GNAQ: variants seen among roughly 807,000 people sequenced by gnomAD.
The protein encoded by GNAQ is G protein subunit alpha q, also known as guanine nucleotide-binding protein G(q) subunit alpha.
Under a neutral mutation model 43.9 loss-of-function variants are expected in GNAQ, and 8 were observed. The ratio of observed to expected loss-of-function variants is 0.18; its 90% CI spans 0.11 to 0.33. GNAQ has a LOEUF of 0.33. Ranked by LOEUF, GNAQ falls within the 10% of genes least tolerant of loss-of-function variation. The pLI is 1.00. For synonymous variants in GNAQ, 155 were observed against 170.7 expected, an observed-to-expected ratio of 0.91 and a Z score of 0.71; for missense variants, 158 against 450.8, an observed-to-expected ratio of 0.35 and a Z score of 5.88.
intron 1 of GNAQ, chr9:78,030,461 C>T (rs1824036965): frequency 4.3e-6 from 2 of 465,724 alleles, no homozygotes; most frequent in African/African-American, 2.0e-5. Flanking sequence ...CCTCCCGCCT[C>T]GCCCCCAGTA....
chr9:77,983,812 T>C (rs1050381488), intron 1 of GNAQ, among the ~76,000 whole-genome samples: 12 of 152,016 alleles, frequency 7.9e-5, no homozygotes, highest in African/African-American at 2.9e-4. Flanking sequence ...TTCCACTCTT[T>C]TAGTGGGGAG....
chr9:77,718,091 G>A lies in GNAQ; in HGVS notation c.*3232C>T, dbSNP rs527366858. The A allele has an allele frequency of 8.6e-6, 2 of 232,820 alleles. No individual in the cohort carries two copies. The highest frequency in any genetic ancestry group is 6.0e-5 in the East Asian group (1 of 16,544). 14.4% of individuals were successfully genotyped at this position (232,820 alleles called of 1,614,324 possible). A position where few individuals can be genotyped will look rare whatever the true frequency, so the allele number is the denominator to read the frequency against. On this transcript the variant is annotated 3_prime_UTR_variant, in exon 7 of 7. Coordinates refer to ENST00000286548, the MANE Select transcript of GNAQ (RefSeq NM_002072.5). ...ACTGGTACACTGCAATGTGTTAAGTGAGTCATGAAATGGCTGCTTGCCTTG... is the reference window on the plus strand; with the variant it reads ...ACTGGTACACTGCAATGTGTTAAGTAAGTCATGAAATGGCTGCTTGCCTTG...
chr9:77,942,475 A>T lies in GNAQ; in HGVS notation c.137-20130T>A, dbSNP rs369232176. Reference sequence around the variant, plus strand: ...GTGAGTACTGTGATATACTTGCAAAATGGTTGGCTGGACAGAGCAGAAACA... The same window carrying T: ...GTGAGTACTGTGATATACTTGCAAATTGGTTGGCTGGACAGAGCAGAAACA... On this transcript the variant is annotated intron_variant, in intron 1 of 6. Coordinates refer to ENST00000286548, the MANE Select transcript of GNAQ (RefSeq NM_002072.5). Among the ~76,000 whole-genome samples the T allele has an allele frequency of 7.2e-5, 11 of 152,330 alleles. No individual in the cohort carries two copies. The East Asian group carries it at 1.2e-3, about 16-fold the overall frequency.
chr9:77,951,140 T>C (rs1266198366), intron 1 of GNAQ, among the ~76,000 whole-genome samples: 1 of 127,910 alleles, frequency 7.8e-6, no homozygotes, highest in Non-Finnish European at 1.6e-5. Context: ...CTCTGTCACC[T>C]AGGCTGGAGT....
chr9:77,857,794 C>T (rs1554721074), intron 2 of GNAQ, among the ~76,000 whole-genome samples: 1 of 146,502 alleles, frequency 6.8e-6, no homozygotes, highest in Middle Eastern at 3.3e-3. Flanking sequence ...TTTTTTTTTT[C>T]AAGGCCATTT....
intron 5 of GNAQ, among the ~76,000 whole-genome samples, chr9:77,781,860 T>G (rs1425291692): frequency 6.6e-6 from 1 of 152,104 alleles, no homozygotes. Flanking sequence ...AGAAGAGAAC[T>G]TCCTCAACTT....
At chr9:77,770,730 A>T (rs1446336927) in intron 5 of GNAQ, among the ~76,000 whole-genome samples, 1 of 152,194 alleles carries the variant, frequency 6.6e-6, no homozygotes, top group African/African-American at 2.4e-5. Flanking sequence ...GTGGGAGGAA[A>T]ATTGAACATC....
At chr9:78,013,336 A>C (rs1280935350) in intron 1 of GNAQ, among the ~76,000 whole-genome samples, 1 of 150,508 alleles carries the variant, frequency 6.6e-6, no homozygotes, top group African/African-American at 2.4e-5. Context: ...ATTATACTTT[A>C]AGTTTTAGGG....
intron 4 of GNAQ, among the ~76,000 whole-genome samples, chr9:77,794,948 C>T (rs1826634488): frequency 6.6e-6 from 1 of 152,154 alleles, no homozygotes; most frequent in Admixed American, 6.5e-5. Context: ...CTGGCAAATA[C>T]TGAACTTCAG....
intron 2 of GNAQ, among the ~76,000 whole-genome samples, chr9:77,855,389 C>A (rs528104769): frequency 1.2e-3 from 190 of 152,188 alleles, no homozygotes; most frequent in South Asian, 7.7e-3. Context: ...AACGAAAGAA[C>A]CTGTGGCTTC....
At chr9:77,856,656 A>C (rs935875840) in intron 2 of GNAQ, among the ~76,000 whole-genome samples, 1 of 152,176 alleles carries the variant, frequency 6.6e-6, no homozygotes, top group Admixed American at 6.6e-5. Context: ...GAGAAAGACT[A>C]CCTAGCAAAT....
intron 3 of GNAQ, among the ~76,000 whole-genome samples, chr9:77,799,594 G>C (rs1159832592): frequency 6.6e-6 from 1 of 152,078 alleles, no homozygotes; most frequent in African/African-American, 2.4e-5. Flanking sequence ...ATTTGAAACT[G>C]AATGTAAAAA....
chr9:77,819,515 C>A (rs979251644), intron 2 of GNAQ, among the ~76,000 whole-genome samples: 1 of 152,130 alleles, frequency 6.6e-6, no homozygotes, highest in Non-Finnish European at 1.5e-5. Context: ...GAATGTCACA[C>A]CTACCCAGAA....
In GNAQ at chr9:77,797,621, A is replaced by G. The variant is rs2118456374; in HGVS notation, c.504T>C (p.Ala168=). Reference sequence around the variant, plus strand: ...GTTGCGTAGGCAGGTAGGCAGGGTCAGCTACGCGGTCCAAGTCATTAAGAT... The same window carrying G: ...GTTGCGTAGGCAGGTAGGCAGGGTCGGCTACGCGGTCCAAGTCATTAAGAT... ...KYYLNDLDRV[A]DPAYLPTQQD... The change falls in exon 4 of 7, where the codon GCT becomes GCC. Residue 168 remains alanine, a synonymous_variant. Transcript: ENST00000286548. 6.2e-7 allele frequency: 1 copy of G among 1,613,730 alleles called. No individual in the cohort carries two copies. The highest frequency in any genetic ancestry group is 8.5e-7 in the Non-Finnish European group (1 of 1,179,656).
At chr9:77,973,546 G>C (rs1380069270) in intron 1 of GNAQ, among the ~76,000 whole-genome samples, 1 of 152,216 alleles carries the variant, frequency 6.6e-6, no homozygotes, top group Non-Finnish European at 1.5e-5. Flanking sequence ...GCCGGGTGCA[G>C]TGGCTCACAC....
At chr9:77,776,850 A>G (rs571668952) in intron 5 of GNAQ, among the ~76,000 whole-genome samples, 1 of 151,088 alleles carries the variant, frequency 6.6e-6, no homozygotes, top group East Asian at 1.9e-4. Flanking sequence ...CATCCCTATC[A>G]AATCCCAGGT....
At chr9:77,966,799 C>T (rs1203862130) in intron 1 of GNAQ, among the ~76,000 whole-genome samples, 1 of 152,196 alleles carries the variant, frequency 6.6e-6, no homozygotes, top group Non-Finnish European at 1.5e-5. Context: ...AGGAGATGGA[C>T]TGTGGACCTC....
chr9:77,848,378 G>C (rs1341240993), intron 2 of GNAQ, among the ~76,000 whole-genome samples: 4 of 152,172 alleles, frequency 2.6e-5, no homozygotes, highest in African/African-American at 9.7e-5. Flanking sequence ...TCACATGTCG[G>C]AATTCAAACC....
At chr9:77,811,825 G>C (rs1233842015) in intron 3 of GNAQ, among the ~76,000 whole-genome samples, 1 of 152,184 alleles carries the variant, frequency 6.6e-6, no homozygotes, top group Non-Finnish European at 1.5e-5. Flanking sequence ...CATCCCTGGA[G>C]GAGACCTGAA....
Sources: gnomAD v4.1 joint callset for allele counts (sites outside exome capture counted in the v4.1 genomes callset) on GRCh38, gnomAD v4.1.1 for gene constraint, MANE v1.5 for transcripts, NCBI Gene and HGNC (gene_info 2026-07-23, HGNC 2026-07-21) for gene names.